XRCC4: variants seen among roughly 807,000 people sequenced by gnomAD.
XRCC4 encodes DNA repair protein XRCC4.
XRCC4 carries 28 observed loss-of-function variants against 39.1 expected under a neutral mutation model. The ratio of observed to expected loss-of-function variants is 0.72; its 90% CI spans 0.53 to 0.98. The LOEUF (loss-of-function observed/expected upper bound fraction) is 0.98, where lower values mean the gene tolerates loss of function less well. Among genes scored for constraint, XRCC4 ranks in the 50% least tolerant of loss-of-function variants. The pLI is 0.00. For synonymous variants in XRCC4, 123 were observed against 126.4 expected, an observed-to-expected ratio of 0.97 and a Z score of 0.18; for missense variants, 350 against 376.4, an observed-to-expected ratio of 0.93 and a Z score of 0.58.
chr5:83,165,287 A>T (rs370326974), intron 3 of XRCC4, among the ~76,000 whole-genome samples: 1 of 150,302 alleles, frequency 6.7e-6, no homozygotes, highest in Non-Finnish European at 1.5e-5. Context: ...TTGAAGTAAT[A>T]AACATGTCTC....
intron 3 of XRCC4, among the ~76,000 whole-genome samples, chr5:83,173,577 A>G (rs1369793512): frequency 6.6e-6 from 1 of 152,164 alleles, no homozygotes; most frequent in African/African-American, 2.4e-5. Flanking sequence ...ATCACCAGTG[A>G]CCATTGAAGA....
chr5:83,328,766 AAAGC>A (rs1756346166), intron 7 of XRCC4, among the ~76,000 whole-genome samples: 1 of 152,116 alleles, frequency 6.6e-6, no homozygotes, highest in Non-Finnish European at 1.5e-5. Context: ...GAATAATAGT[AAAGC>A]AAGATATTAG....
intron 6 of XRCC4, among the ~76,000 whole-genome samples, chr5:83,229,870 C>A (rs75909899): frequency 0.038 from 5,734 of 151,748 alleles, 355 homozygotes; most frequent in African/African-American, 0.13. Flanking sequence ...TTATTTTCAA[C>A]AGATCATGAG....
chr5:83,200,418 A>G (rs1456320965), intron 4 of XRCC4, among the ~76,000 whole-genome samples: 1 of 152,168 alleles, frequency 6.6e-6, no homozygotes, highest in Non-Finnish European at 1.5e-5. Context: ...CATTCATTCT[A>G]TTGACTGTGT....
chr5:83,320,100 C>T (rs1185941658), intron 7 of XRCC4, among the ~76,000 whole-genome samples: 1 of 144,830 alleles, frequency 6.9e-6, no homozygotes, highest in Non-Finnish European at 1.5e-5. Flanking sequence ...AGTAAACTAT[C>T]GCAAGAACAA....
intron 3 of XRCC4, among the ~76,000 whole-genome samples, chr5:83,162,357 T>C (rs143817754): frequency 3.3e-5 from 5 of 152,314 alleles, no homozygotes; most frequent in African/African-American, 1.2e-4. Flanking sequence ...ACTAAACTTA[T>C]TAAACTTCAG....
At chr5:83,313,048 C>CA (rs746332510) in intron 7 of XRCC4, among the ~76,000 whole-genome samples, 53 of 148,536 alleles carry the variant, frequency 3.6e-4, no homozygotes, top group Non-Finnish European at 6.2e-4. Flanking sequence ...GAAACCATGC[C>CA]AAAAAATGTC....
At chr5:83,128,668 A>G (rs1747400752) in intron 3 of XRCC4, among the ~76,000 whole-genome samples, 3 of 152,168 alleles carry the variant, frequency 2.0e-5, no homozygotes, top group Admixed American at 1.3e-4. Context: ...TCGCCATTCT[A>G]ACTGGTGTAA....
chr5:83,286,381 A>G (rs1754733413), intron 7 of XRCC4, among the ~76,000 whole-genome samples: 1 of 152,252 alleles, frequency 6.6e-6, no homozygotes, highest in South Asian at 2.1e-4. Flanking sequence ...ATAATCCAGG[A>G]AATCCTCTAC....
At chr5:83,316,004 C>T (rs1755868249) in intron 7 of XRCC4, among the ~76,000 whole-genome samples, 1 of 152,106 alleles carries the variant, frequency 6.6e-6, no homozygotes, top group Admixed American at 6.6e-5. Context: ...GGAAAGGAGT[C>T]ACTGTTCTAG....
chr5:83,308,987 A>G (rs1380067565), intron 7 of XRCC4, among the ~76,000 whole-genome samples: 1 of 151,972 alleles, frequency 6.6e-6, no homozygotes, highest in Non-Finnish European at 1.5e-5. Flanking sequence ...ATCCATAGAA[A>G]TATAATTTGC....
At chr5:83,293,983 A>G (rs756553618) in intron 7 of XRCC4, among the ~76,000 whole-genome samples, 9 of 151,994 alleles carry the variant, frequency 5.9e-5, no homozygotes, top group Admixed American at 2.0e-4. Flanking sequence ...ATAGCTAACT[A>G]ATTCTTCTGG....
intron 3 of XRCC4, among the ~76,000 whole-genome samples, chr5:83,154,488 C>A (rs1419852046): frequency 6.6e-6 from 1 of 152,160 alleles, no homozygotes; most frequent in African/African-American, 2.4e-5. Flanking sequence ...TGAAGCACTT[C>A]TGGTCCCAAG....
intron 1 of XRCC4, among the ~76,000 whole-genome samples, chr5:83,102,525 G>A (rs1355706529): frequency 1.3e-5 from 2 of 152,086 alleles, no homozygotes; most frequent in Non-Finnish European, 2.9e-5. Flanking sequence ...GTCAGCAATA[G>A]GGCATAGGAG....
intron 1 of XRCC4, among the ~76,000 whole-genome samples, chr5:83,084,488 TTGCCAAAGAAGAAATACA>T (rs2112288909): frequency 6.6e-6 from 1 of 152,290 alleles, no homozygotes; most frequent in South Asian, 2.1e-4. Context: ...GAAGAAATAC[TTGCCAAAGAAGAAATACA>T]TGCCAAAATT....
intron 7 of XRCC4, among the ~76,000 whole-genome samples, chr5:83,322,005 T>A (rs1321150043): frequency 6.6e-6 from 1 of 150,450 alleles, no homozygotes; most frequent in African/African-American, 2.5e-5. Flanking sequence ...AAACAAACCT[T>A]CTAAAGATGA....
At chr5:83,134,128 A>G (rs574915725) in intron 3 of XRCC4, among the ~76,000 whole-genome samples, 1 of 152,232 alleles carries the variant, frequency 6.6e-6, no homozygotes, top group African/African-American at 2.4e-5. Flanking sequence ...ATCATTGACC[A>G]TGATAGCAGG....
At position 83,092,730 on chromosome 5, in the gene XRCC4, T is replaced by C. The variant is rs1328050073; in HGVS notation, c.-10-12180T>C. On this transcript the variant is annotated intron_variant, in intron 1 of 7. Coordinates refer to ENST00000396027, the MANE Select transcript of XRCC4 (RefSeq NM_003401.5). ...AATAGACAGAAGTGTAAGATATTCT[T>C]TGTAAGCCTCATGGTAGCCAAAAAG... Among the ~76,000 whole-genome samples the C allele has an allele frequency of 2.6e-5, 4 of 151,998 alleles. 1 individual carries two copies. Among genetic ancestry groups the C allele is most frequent in the Non-Finnish European group, 5.9e-5 (4 of 67,984 alleles).
chr5:83,194,217 A>G (rs1403037190), intron 3 of XRCC4, among the ~76,000 whole-genome samples: 12 of 152,182 alleles, frequency 7.9e-5, no homozygotes, highest in African/African-American at 2.9e-4. Context: ...AAGTGTTGGG[A>G]TTACAGGAGT....
Sources: allele counts gnomAD v4.1 joint callset (sites outside exome capture counted in the v4.1 genomes callset), GRCh38; gene constraint gnomAD v4.1.1; transcripts MANE v1.5; gene names NCBI Gene and HGNC (gene_info 2026-07-23, HGNC 2026-07-21).